Variants in STS observed in about 807,000 individuals in gnomAD.
STS encodes steroid sulfatase.
STS carries 7 observed loss-of-function variants against 26.8 expected under a neutral mutation model. The observed-to-expected ratio is 0.26, with a 90% CI of 0.15 to 0.49. The LOEUF is 0.49. Ranked by LOEUF, STS falls within the 20% of genes least tolerant of loss-of-function variation. STS has a pLI of 0.98. For missense variants in STS, 434 were observed against 465.6 expected (o/e 0.93, Z 0.63); for synonymous variants, 199 against 189.4 (o/e 1.05, Z -0.42).
chrX:7,204,492 C>A (rs1190474257), intron 2 of STS, among the ~76,000 whole-genome samples: 1 of 102,714 alleles, frequency 9.7e-6, no homozygotes, highest in Non-Finnish European at 2.0e-5. Context: ...TCCCTCCCTT[C>A]CTTCCTCCCT....
At chrX:7,221,808 G>A (rs1247909689) in intron 2 of STS, among the ~76,000 whole-genome samples, 1 of 112,022 alleles carries the variant, frequency 8.9e-6, no homozygotes, top group Non-Finnish European at 1.9e-5. Context: ...TTTATCGGTG[G>A]ACATTCACCT....
In STS at chrX:7,272,079, G is replaced by C. The variant is rs185143520; in HGVS notation, c.807-3872G>C. ...ATTAGCAAAATACAAAATGCATTTA[G>C]AAAAGCATATATCCATTTATTGTTT... On this transcript the variant is annotated intron_variant, in intron 6 of 10. Coordinates refer to ENST00000674429, the MANE Select transcript of STS (RefSeq NM_001320752.2). Among the ~76,000 whole-genome samples, 7 of 110,394 alleles carry C rather than the reference G, an allele frequency of 6.3e-5. No individual in the cohort carries two copies. The East Asian group carries it at 2.0e-3, about 31-fold the overall frequency.
chrX:7,318,387 A>G (rs1173009046), intron 8 of STS, among the ~76,000 whole-genome samples: 2 of 111,463 alleles, frequency 1.8e-5, no homozygotes, highest in Non-Finnish European at 3.8e-5. Flanking sequence ...CCATCTGACA[A>G]GCAAGGGCAC....
At chrX:7,234,932 C>T (rs1922243105) in intron 2 of STS, among the ~76,000 whole-genome samples, 1 of 111,584 alleles carries the variant, frequency 9.0e-6, no homozygotes, top group East Asian at 2.8e-4. Flanking sequence ...CTTCAAATCC[C>T]ACCATCATGA....
At chrX:7,213,859 A>C (rs1400265242) in intron 2 of STS, among the ~76,000 whole-genome samples, 1 of 110,756 alleles carries the variant, frequency 9.0e-6, no homozygotes, top group Non-Finnish European at 1.9e-5. Flanking sequence ...GGGAAGGAGG[A>C]TCACTTGAGG....
chrX:7,303,480 C>T (rs1244134831), intron 7 of STS, among the ~76,000 whole-genome samples: 5 of 110,755 alleles, frequency 4.5e-5, no homozygotes, highest in Non-Finnish European at 9.4e-5. Context: ...CAGGGGCTTG[C>T]ATAGTTCCAA....
At chrX:7,306,564 G>C (rs980248047) in intron 8 of STS, among the ~76,000 whole-genome samples, 7 of 112,078 alleles carry the variant, frequency 6.2e-5, no homozygotes, top group African/African-American at 2.3e-4. Flanking sequence ...AGGAAGTCAT[G>C]TTGAACTGGT....
chrX:7,218,224 A>G (rs778329972), intron 2 of STS, among the ~76,000 whole-genome samples: 1 of 112,734 alleles, frequency 8.9e-6, no homozygotes, highest in African/African-American at 3.2e-5. Context: ...ATTAGCGCAC[A>G]GCATTTTTAA....
At chrX:7,250,808 C>G (rs1372301259) in intron 2 of STS, among the ~76,000 whole-genome samples, 1 of 111,787 alleles carries the variant, frequency 8.9e-6, no homozygotes, top group African/African-American at 3.3e-5. Context: ...AGCATTCATT[C>G]AGTATTTAAT....
chrX:7,258,484 A>G (rs1923559084), intron 5 of STS, among the ~76,000 whole-genome samples: 1 of 111,816 alleles, frequency 8.9e-6, no homozygotes, highest in Admixed American at 9.5e-5. Flanking sequence ...TTACTTTCCA[A>G]TATAAAATTA....
chrX:7,154,160 C>T (rs1569176621), intron 1 of STS, among the ~76,000 whole-genome samples: 1 of 111,945 alleles, frequency 8.9e-6, no homozygotes, highest in Admixed American at 9.5e-5. Context: ...CCCACTGGCC[C>T]TGCCTGCTGA....
At chrX:7,158,036 C>T (rs779969888) in intron 1 of STS, among the ~76,000 whole-genome samples, 1 of 112,004 alleles carries the variant, frequency 8.9e-6, no homozygotes, top group Non-Finnish European at 1.9e-5. Context: ...CATTATAGCC[C>T]TGCCTCCTCC....
chrX:7,292,977 G>C (rs921873891), intron 7 of STS, among the ~76,000 whole-genome samples: 4 of 111,474 alleles, frequency 3.6e-5, no homozygotes, highest in East Asian at 2.8e-4. Flanking sequence ...GTACCACACT[G>C]TCTCAATGCC....
At chrX:7,274,744 T>C (rs942972323) in intron 6 of STS, among the ~76,000 whole-genome samples, 6 of 112,325 alleles carry the variant, frequency 5.3e-5, no homozygotes, top group Non-Finnish European at 1.1e-4. Context: ...AAGGAATATG[T>C]TTGCATTATC....
At chrX:7,316,063 G>C (rs1277667190) in intron 8 of STS, among the ~76,000 whole-genome samples, 1 of 111,757 alleles carries the variant, frequency 8.9e-6, no homozygotes, top group Non-Finnish European at 1.9e-5. Context: ...GGACATTTTC[G>C]TGGGACTCAG....
At chrX:7,239,365 A>G (rs994947418) in intron 2 of STS, among the ~76,000 whole-genome samples, 10 of 111,995 alleles carry the variant, frequency 8.9e-5, no homozygotes, top group Middle Eastern at 4.2e-3. Flanking sequence ...TTCTTCTAAA[A>G]AATATTGTTT....
chrX:7,210,516 A>C (rs1177082866), intron 2 of STS, among the ~76,000 whole-genome samples: 1 of 107,466 alleles, frequency 9.3e-6, no homozygotes, highest in Non-Finnish European at 1.9e-5. Flanking sequence ...ATTTATAAAA[A>C]ATAGATGTAT....
chrX:7,200,480 A>G (rs1364181283), intron 2 of STS, among the ~76,000 whole-genome samples: 4 of 111,882 alleles, frequency 3.6e-5, no homozygotes, highest in African/African-American at 1.3e-4. Flanking sequence ...AGATAGAACT[A>G]GTGAAATGGG....
chrX:7,351,922 T>C lies in STS; in HGVS notation c.*1661T>C. Reference sequence around the variant, plus strand: ...AGTTCTTCTATTTCAAACGTTAATTTTGCTTCTCTTTCTAAAAAAAAAAAA... The same window carrying C: ...AGTTCTTCTATTTCAAACGTTAATTCTGCTTCTCTTTCTAAAAAAAAAAAA... On this transcript the variant is annotated 3_prime_UTR_variant, in exon 11 of 11. Coordinates refer to ENST00000674429, the MANE Select transcript of STS (RefSeq NM_001320752.2). 1 of 106,134 alleles carries C rather than the reference T, an allele frequency of 9.4e-6. No individual in the cohort carries two copies. Among genetic ancestry groups the C allele is most frequent in the African/African-American group, 3.4e-5 (1 of 29,036 alleles). 8.7% of individuals were successfully genotyped at this position (106,134 alleles called of 1,213,427 possible). A position where few individuals can be genotyped will look rare whatever the true frequency, so the allele number is the denominator to read the frequency against.
Sources: allele counts gnomAD v4.1 joint callset (sites outside exome capture counted in the v4.1 genomes callset), GRCh38; gene constraint gnomAD v4.1.1; transcripts MANE v1.5; gene names NCBI Gene and HGNC (gene_info 2026-07-23, HGNC 2026-07-21).